The following ZNF43 variants were observed in gnomAD, a reference collection of about 807,000 sequenced individuals.
ZNF43 encodes zinc finger protein 43.
Under a neutral mutation model 68.4 loss-of-function variants are expected in ZNF43, and 44 were observed. That is an observed-to-expected ratio of 0.64 (90% CI 0.51 to 0.83). The LOEUF is 0.83. Ranked by LOEUF, ZNF43 falls within the 40% of genes least tolerant of loss-of-function variation. The pLI is 0.00. For missense variants in ZNF43, 896 were observed against 933.2 expected (o/e 0.96, Z 0.52); for synonymous variants, 308 against 307.8 (o/e 1.00, Z -0.01).
rs1397503178 is a variant in ZNF43 at position 21,805,217 on chromosome 19, G to C, written c.*2390C>G. 1 of 151,904 alleles carries C rather than the reference G, an allele frequency of 6.6e-6. No homozygotes were observed. The highest frequency in any genetic ancestry group is 1.9e-4 in the East Asian group (1 of 5,198). 9.4% of individuals were successfully genotyped at this position (151,904 alleles called of 1,614,324 possible). On this transcript the variant is annotated 3_prime_UTR_variant, in exon 4 of 4. Transcript: ENST00000354959. Reference sequence around the variant, plus strand: ...GCAGTGGCTCATGCCTGTGGTCCCAGAACTCTGGGAGGCCGAGGCAGGCAG... The same window carrying C: ...GCAGTGGCTCATGCCTGTGGTCCCACAACTCTGGGAGGCCGAGGCAGGCAG...
chr19:21,841,997 TAGG>T (rs1270963941), intron 1 of ZNF43, among the ~76,000 whole-genome samples: 1 of 152,174 alleles, frequency 6.6e-6, no homozygotes, highest in East Asian at 1.9e-4. Context: ...GCCCTGCTAA[TAGG>T]AGAATTATGA....
In ZNF43 at chr19:21,808,978, C is replaced by T. The variant is rs770922337; in HGVS notation, c.1059G>A (p.Gln353=). 1.9e-6 allele frequency: 3 copies of T among 1,613,596 alleles called. No homozygotes were observed. Among genetic ancestry groups the T allele is most frequent in the Non-Finnish European group, 2.5e-6 (3 of 1,179,862 alleles). ...TCTTATGTGTAGTAAGGTTTGAGAA[C>T]TGGTTAAAGGCTTTGCCACATTCTT... ...TCEECGKAFN[Q]FSNLTTHKRI... is the part of the protein sequence containing the mutation. The change falls in exon 4 of 4, where the codon CAG becomes CAA. Residue 353 remains glutamine, a synonymous_variant. Coordinates refer to ENST00000354959, the MANE Select transcript of ZNF43 (RefSeq NM_003423.4).
At chr19:21,817,059 T>G (rs1479628383) in intron 3 of ZNF43, among the ~76,000 whole-genome samples, 1 of 151,924 alleles carries the variant, frequency 6.6e-6, no homozygotes, top group Non-Finnish European at 1.5e-5. Context: ...TGGCCAAACA[T>G]GGCGAAACCC....
chr19:21,829,064 A>AAAAAAT (rs2038294097), intron 1 of ZNF43, among the ~76,000 whole-genome samples: 1 of 138,852 alleles, frequency 7.2e-6, no homozygotes, highest in African/African-American at 2.7e-5. Flanking sequence ...AAAAAAAAAA[A>AAAAAAT]ATTAGCCGGA....
intron 1 of ZNF43, among the ~76,000 whole-genome samples, chr19:21,847,967 C>T (rs1968081246): frequency 6.6e-6 from 1 of 151,992 alleles, no homozygotes; most frequent in Non-Finnish European, 1.5e-5. Flanking sequence ...GGACTACAGG[C>T]ACACACCACC....
chr19:21,837,123 A>AT (rs1967160610), upstream of ZNF43, among the ~76,000 whole-genome samples: 1 of 152,222 alleles, frequency 6.6e-6, no homozygotes, highest in Admixed American at 6.5e-5. Flanking sequence ...TTCATAAGAA[A>AT]TTCAAAACAA....
At chr19:21,827,083 T>A (rs2038170419) in intron 1 of ZNF43, 1 of 151,640 alleles carries the variant, frequency 6.6e-6, no homozygotes, top group African/African-American at 2.4e-5. Flanking sequence ...CCAAAAATAC[T>A]CCCCTTAAAC....
intron 3 of ZNF43, among the ~76,000 whole-genome samples, chr19:21,815,508 T>TATATATATATATATATATATATATATA (rs1568355553): frequency 6.7e-6 from 1 of 148,902 alleles, no homozygotes; most frequent in African/African-American, 2.5e-5. Flanking sequence ...TATATATATA[T>TATATATATATATATATATATATATATA]TTTGCAGAAT....
chr19:21,834,801 G>GA lies in ZNF43; in HGVS notation c.3+1234dup, dbSNP rs1183503569. 1.0e-3 allele frequency among the ~76,000 whole-genome samples: 154 copies of GA among 150,250 alleles called. 2 individuals carry two copies. The highest frequency in any genetic ancestry group is 3.8e-4 in the Non-Finnish European group (26 of 67,564). On this transcript the variant is annotated intron_variant, in intron 1 of 3. Transcript: ENST00000354959. ...GGAAGGAAGGAAGGAAGGAAAGAAA[G>GA]AAGAAGGAAAGAAGAAAGGAAAATT...
upstream of ZNF43, among the ~76,000 whole-genome samples, chr19:21,837,493 C>T (rs867439825): frequency 2.7e-4 from 37 of 136,216 alleles, no homozygotes; most frequent in African/African-American, 1.0e-3. Context: ...GGCACAATCT[C>T]GGCTCACTGC....
intron 2 of ZNF43, among the ~76,000 whole-genome samples, chr19:21,818,765 G>A (rs2037654042): frequency 6.6e-6 from 1 of 152,004 alleles, no homozygotes; most frequent in South Asian, 2.1e-4. Context: ...TATTTTGTAG[G>A]TTCTTAATTT....
intron 1 of ZNF43, chr19:21,843,437 T>G: frequency 1.1e-6 from 1 of 948,798 alleles, no homozygotes; most frequent in Non-Finnish European, 1.3e-6. Context: ...ACCATCTCAA[T>G]GTAGATGAAT....
intron 1 of ZNF43, among the ~76,000 whole-genome samples, chr19:21,822,663 G>A (rs941826420): frequency 2.0e-5 from 3 of 152,074 alleles, no homozygotes; most frequent in African/African-American, 7.2e-5. Context: ...AAATTAGCCG[G>A]GCACGGTGGC....
intron 1 of ZNF43, among the ~76,000 whole-genome samples, chr19:21,844,921 A>AAAAT (rs1310761266): frequency 3.8e-4 from 10 of 26,046 alleles, no homozygotes; most frequent in East Asian, 2.6e-3. Context: ...AAAAAAAAAA[A>AAAAT]ATATATATAT....
At chr19:21,821,834 T>C (rs181223592) in intron 1 of ZNF43, among the ~76,000 whole-genome samples, 14 of 152,240 alleles carry the variant, frequency 9.2e-5, no homozygotes, top group Non-Finnish European at 1.6e-4. Context: ...AGTAGCAAAG[T>C]ACAGGTTTAC....
chr19:21,835,202 T>C (rs1469575608), intron 1 of ZNF43, among the ~76,000 whole-genome samples: 31 of 121,746 alleles, frequency 2.5e-4, no homozygotes, highest in Non-Finnish European at 2.7e-4. Flanking sequence ...GGAGCCGAGA[T>C]AGCACCATTG....
At chr19:21,811,949 C>G (rs1430034671) in intron 3 of ZNF43, 1 of 396,358 alleles carries the variant, frequency 2.5e-6, no homozygotes, top group East Asian at 3.6e-5. Context: ...TTCTTAGACA[C>G]AACCTTAAAT....
At chr19:21,831,569 C>T (rs1240337037) in intron 1 of ZNF43, among the ~76,000 whole-genome samples, 1 of 152,058 alleles carries the variant, frequency 6.6e-6, no homozygotes. Context: ...TCATGTTGGC[C>T]AGGCTGACCT....
intron 1 of ZNF43, among the ~76,000 whole-genome samples, chr19:21,842,379 A>T (rs990465666): frequency 6.7e-6 from 1 of 150,062 alleles, no homozygotes; most frequent in African/African-American, 2.5e-5. Context: ...ACTGCACTCC[A>T]GCCTGGCAAC....
Sources: gnomAD v4.1 joint callset for allele counts (sites outside exome capture counted in the v4.1 genomes callset) on GRCh38, gnomAD v4.1.1 for gene constraint, MANE v1.5 for transcripts, NCBI Gene and HGNC (gene_info 2026-07-23, HGNC 2026-07-21) for gene names.